Variants in MOV10L1 observed in about 807,000 individuals in gnomAD.
MOV10L1 encodes the protein Mov10 like RNA helicase 1.
Under a neutral mutation model 143.8 loss-of-function variants are expected in MOV10L1, and 110 were observed. That is an observed-to-expected ratio of 0.76 (90% confidence interval 0.66 to 0.90). MOV10L1 has a LOEUF of 0.90. MOV10L1 is among the 40% of genes least tolerant of loss of function. The probability of loss-of-function intolerance (pLI) is 0.00; values close to 1 mark genes in which losing one functional copy is unlikely to be tolerated. For missense variants in MOV10L1, 1,406 were observed against 1,526.8 expected, an observed-to-expected ratio of 0.92 and a Z score of 1.32; for synonymous variants, 593 against 581.1, an observed-to-expected ratio of 1.02 and a Z score of -0.29.
At chr22:50,096,065 T>C (rs2062580522) in intron 2 of MOV10L1, 1 of 152,236 alleles carries the variant, frequency 6.6e-6, no homozygotes, top group Non-Finnish European at 1.5e-5. Flanking sequence ...ATGCGTAATA[T>C]ACCATTTTAA....
chr22:50,125,643 C>T lies in MOV10L1; in HGVS notation c.1747+74C>T, dbSNP rs1602239496. On this transcript the variant is annotated intron_variant, in intron 11 of 26. Coordinates refer to ENST00000262794, the MANE Select transcript of MOV10L1 (RefSeq NM_018995.3). ...ATACTTGAGAGAAGATACTCTTTAA[C>T]TGGCAATATGACAGTCACATTATCG... 2.8e-6 allele frequency: 4 copies of T among 1,438,058 alleles called. No individual in the cohort carries two copies. The South Asian group carries it at 4.0e-5, about 14-fold the overall frequency. The allele number at this position is 1,438,058 out of a possible 1,614,324, so 89.1% of individuals were successfully genotyped here. A position where few individuals can be genotyped will look rare whatever the true frequency, so the allele number is the denominator to read the frequency against.
At chr22:50,091,918 C>A in intron 1 of MOV10L1, 83 bp from the exon 2 acceptor site, 1 of 1,385,622 alleles carries the variant, frequency 7.2e-7, no homozygotes, top group African/African-American at 1.4e-5. Flanking sequence ...GAGGCTTTTG[C>A]ACTCTGCCTT....
chr22:50,157,408 A>T (rs144762236), intron 22 of MOV10L1, among the ~76,000 whole-genome samples: 238 of 152,282 alleles, frequency 1.6e-3, no homozygotes, highest in Middle Eastern at 0.01. Flanking sequence ...AGTCATTGCC[A>T]AACCTAATGT....
At position 50,090,615 on chromosome 22, in the gene MOV10L1, C is replaced by T. The variant is rs1602091962; in HGVS notation, c.97+430C>T. 82 of 1,453,770 alleles carry T rather than the reference C, an allele frequency of 5.6e-5. 1 individual carries two copies. In the South Asian group the frequency reaches 9.4e-4, roughly 17 times the overall value. The allele number at this position is 1,453,770 out of a possible 1,614,324, so 90.1% of individuals were successfully genotyped here. On this transcript the variant is annotated intron_variant, in intron 1 of 26. Transcript: ENST00000262794. ...CCATTTCCTTGTCTGGTTTTCAAGCCCATCTTTCTAAAGCCCGGGATGCGC... is the reference window on the plus strand; with the variant it reads ...CCATTTCCTTGTCTGGTTTTCAAGCTCATCTTTCTAAAGCCCGGGATGCGC...
At chr22:50,149,539 C>T in intron 19 of MOV10L1, 76 bp from the exon 20 acceptor site, 1 of 1,452,618 alleles carries the variant, frequency 6.9e-7, no homozygotes, top group East Asian at 2.3e-5. Context: ...CTGAGCGTGG[C>T]TTTGCCAGTG....
At chr22:50,092,827 C>T (rs886146821) in intron 2 of MOV10L1, 2 of 152,204 alleles carry the variant, frequency 1.3e-5, no homozygotes, top group Non-Finnish European at 2.9e-5. Context: ...AATTTATACT[C>T]TTAGGAGCAG....
chr22:50,105,641 GA>G (rs1354829375), intron 3 of MOV10L1, among the ~76,000 whole-genome samples: 1 of 152,044 alleles, frequency 6.6e-6, no homozygotes, highest in African/African-American at 2.4e-5. Context: ...CTGCTGACTT[GA>G]AAAAAGTAAA....
chr22:50,116,590 T>G (rs1301926923), intron 8 of MOV10L1, among the ~76,000 whole-genome samples: 1 of 151,868 alleles, frequency 6.6e-6, no homozygotes, highest in Non-Finnish European at 1.5e-5. Context: ...GACTTAAAAT[T>G]GGGAATATCA....
At chr22:50,107,390 C>G (rs574678267) in intron 3 of MOV10L1, among the ~76,000 whole-genome samples, 2 of 152,344 alleles carry the variant, frequency 1.3e-5, no homozygotes, top group Admixed American at 1.3e-4. Context: ...GTGATTTCAC[C>G]ATGGCTCACA....
intron 15 of MOV10L1, among the ~76,000 whole-genome samples, chr22:50,136,240 T>A (rs957930053): frequency 6.6e-6 from 1 of 152,206 alleles, no homozygotes; most frequent in Non-Finnish European, 1.5e-5. Flanking sequence ...TGGTTCATTC[T>A]ACTGCCTGAT....
rs2272843 is a variant in MOV10L1, at chr22:50,161,037, C to A, written c.3536C>A (p.Ala1179Glu). Residue 1179 changes from alanine to glutamate, a missense_variant, in exon 26 of 27, where the codon GCA (alanine) becomes GAA (glutamate). This residue lies in a region of MOV10L1 where 1,233 missense variants were observed against 1,351.4 expected (regional missense o/e 0.91). Coordinates refer to ENST00000262794, the MANE Select transcript of MOV10L1 (RefSeq NM_018995.3). ...TACATGGGATGCGATTTACCTCCTGCACTGCAGTCTCTGCAAAAGTGAGCG... is the reference window on the plus strand; with the variant it reads ...TACATGGGATGCGATTTACCTCCTGAACTGCAGTCTCTGCAAAAGTGAGCG... ...GVYMGCDLPP[A>E]LQSLQNCGEG... The A allele has an allele frequency of 0.14, 225,330 of 1,613,734 alleles. 16,421 individuals carry two copies. Among genetic ancestry groups the A allele is most frequent in the Admixed American group, 0.21 (12,366 of 60,000 alleles).
At chr22:50,151,711 G>A (rs1253884625) in intron 21 of MOV10L1, among the ~76,000 whole-genome samples, 1 of 152,246 alleles carries the variant, frequency 6.6e-6, no homozygotes, top group African/African-American at 2.4e-5. Flanking sequence ...GCCGCTGTGC[G>A]CCTGTACCCG....
At chr22:50,139,186 CA>C (rs1239825699) in intron 15 of MOV10L1, among the ~76,000 whole-genome samples, 2 of 152,044 alleles carry the variant, frequency 1.3e-5, no homozygotes, top group Non-Finnish European at 2.9e-5. Flanking sequence ...AGGGCACGCG[CA>C]AAACATGGAC....
chr22:50,107,701 C>G (rs1275976996), intron 3 of MOV10L1, among the ~76,000 whole-genome samples: 1 of 152,192 alleles, frequency 6.6e-6, no homozygotes, highest in Non-Finnish European at 1.5e-5. Flanking sequence ...CAGCACAGCT[C>G]TCTGGCACAC....
At chr22:50,114,289 C>T in intron 6 of MOV10L1, 92 bp from the exon 7 acceptor site, 2 of 1,446,788 alleles carry the variant, frequency 1.4e-6, no homozygotes, top group Non-Finnish European at 1.9e-6. Flanking sequence ...TTGCAGTCAC[C>T]ACTTCCTAGA....
chr22:50,160,378 C>T lies in MOV10L1; in HGVS notation c.3325-310C>T, dbSNP rs1227545578. ...TCTCCTGCCTCAGCCTCTCGAGTAG[C>T]TGGGACTACAGGCGCCCACCACCAC... is the stretch of plus-strand genomic sequence containing the variant. On this transcript the variant is annotated intron_variant, in intron 24 of 26. Transcript: ENST00000262794. Among the ~76,000 whole-genome samples the T allele has an allele frequency of 4.0e-5, 6 of 151,478 alleles. No homozygotes were observed. The East Asian group carries it at 1.2e-3, about 29-fold the overall frequency.
chr22:50,128,479 C>A lies in MOV10L1; in HGVS notation c.1882C>A (p.Pro628Thr). 2 of 1,547,934 alleles carry A rather than the reference C, an allele frequency of 1.3e-6. No individual in the cohort carries two copies. Among genetic ancestry groups the A allele is most frequent in the Non-Finnish European group, 1.8e-6 (2 of 1,126,526 alleles). Residue 628 changes from proline (P) to threonine (T), a missense_variant, in exon 13 of 27, where the codon CCT becomes ACT. Pro to Thr is a conservative substitution (Grantham distance 38). Transcript: ENST00000262794. ...ATTTGAACAAGCCTATAACTTTGAA[C>A]CTATGGATGTGGAATTTACATATAA... ...PEFEQAYNFE[P>T]MDVEFTYNRT...
intron 22 of MOV10L1, among the ~76,000 whole-genome samples, chr22:50,156,220 G>T (rs559743058): frequency 6.6e-6 from 1 of 151,824 alleles, no homozygotes; most frequent in Admixed American, 6.6e-5. Context: ...TGTTCAAGCA[G>T]TTCTTATGCC....
intron 15 of MOV10L1, among the ~76,000 whole-genome samples, chr22:50,135,051 T>G (rs2062785317): frequency 7.0e-6 from 1 of 142,278 alleles, no homozygotes; most frequent in African/African-American, 2.5e-5. Context: ...TCTCGCTCTG[T>G]CACCCAGGCT....
Sources: allele counts gnomAD v4.1 joint callset (sites outside exome capture counted in the v4.1 genomes callset), GRCh38; gene constraint gnomAD v4.1.1; regional missense constraint gnomAD v4.1.1; transcripts MANE v1.5; gene names NCBI Gene and HGNC (gene_info 2026-07-23, HGNC 2026-07-21).